The following NUBP2 variants were observed in gnomAD, a reference collection of about 807,000 sequenced individuals.
The protein encoded by NUBP2 is cytosolic Fe-S cluster assembly factor NUBP2.
NUBP2 carries 23 observed loss-of-function variants against 24.9 expected under a neutral mutation model. That is an observed-to-expected ratio of 0.92 (90% CI 0.66 to 1.31). The LOEUF is 1.31. Among genes scored for constraint, NUBP2 ranks in the 50% most tolerant of loss-of-function variants. NUBP2 has a pLI of 0.00. For synonymous variants in NUBP2, 186 were observed against 170.9 expected, an observed-to-expected ratio of 1.09 and a Z score of -0.69; for missense variants, 403 against 386.5, an observed-to-expected ratio of 1.04 and a Z score of -0.36.
At chr16:1,786,140 T>G (rs1270030992) in intron 1 of NUBP2, 2 of 370,006 alleles carry the variant, frequency 5.4e-6, no homozygotes, top group African/African-American at 3.6e-5. Context: ...GTGCACTGGC[T>G]GGGGAAAGAG....
Position 1,787,715 on chromosome 16 carries a change from G to C in NUBP2, c.373G>C (p.Glu125Gln). ...KQFVSDVAWG[E>Q]LDYLVVDTPP... The stretch of plus-strand genomic sequence containing the variant: ...GTTTGTGTCCGACGTGGCCTGGGGG[G>C]AGCTGGACTACCTGGTGGTGGACAC... Residue 125 changes from glutamate (E) to glutamine (Q), a missense_variant, in exon 4 of 7, where the codon GAG (glutamate) becomes CAG (glutamine). Coordinates refer to ENST00000262302, the MANE Select transcript of NUBP2 (RefSeq NM_012225.4). 2 of 1,612,654 alleles carry C rather than the reference G, an allele frequency of 1.2e-6. No homozygotes were observed. Among genetic ancestry groups the C allele is most frequent in the Non-Finnish European group, 1.7e-6 (2 of 1,179,936 alleles).
Position 1,787,968 on chromosome 16 carries a change from G to A in NUBP2, c.517G>A (p.Glu173Lys), listed in dbSNP as rs780588003. The A allele has an allele frequency of 5.6e-6, 9 of 1,604,840 alleles. No individual in the cohort carries two copies. Among genetic ancestry groups the A allele is most frequent in the African/African-American group, 1.3e-5 (1 of 74,464 alleles). Residue 173 changes from glutamate (E) to lysine (K), a missense_variant, in exon 5 of 7, where the codon GAG (glutamate) becomes AAG (lysine). By Grantham distance (56) the Glu-to-Lys change is moderately conservative. Coordinates refer to ENST00000262302, the MANE Select transcript of NUBP2 (RefSeq NM_012225.4). ...QAVSVGDVRRELTFCRKTGLR... is the reference protein window; with the variant it reads ...QAVSVGDVRRKLTFCRKTGLR... ...GGTGTCCGTGGGGGACGTGAGGCGC[G>A]AGCTGACCTTCTGTAGGAAGACGGG...
At chr16:1,787,107 G>A (rs1043857954) in intron 3 of NUBP2, 152 bp downstream of exon 3, 3 of 713,484 alleles carry the variant, frequency 4.2e-6, no homozygotes, top group Admixed American at 3.2e-5. Context: ...CAGGCTGGCG[G>A]TGTGTCTCCA....
chr16:1,785,575 A>C (rs1389152467), intron 1 of NUBP2: 2 of 1,243,274 alleles, frequency 1.6e-6, no homozygotes, highest in Admixed American at 5.4e-5. Context: ...AATTTAAGTC[A>C]GAACCCCTTT....
chr16:1,785,575 A>G (rs1389152467), intron 1 of NUBP2: 5 of 1,243,392 alleles, frequency 4.0e-6, no homozygotes, highest in African/African-American at 1.6e-5. Context: ...AATTTAAGTC[A>G]GAACCCCTTT....
At chr16:1,785,805 A>G (rs960543823) in intron 1 of NUBP2, 2 of 1,289,070 alleles carry the variant, frequency 1.6e-6, no homozygotes, top group Non-Finnish European at 2.0e-6. Flanking sequence ...GGTTTTACGC[A>G]TCATGTGTTG....
intron 3 of NUBP2, chr16:1,787,469 G>A (rs1897030358): frequency 1.5e-6 from 1 of 665,624 alleles, no homozygotes; most frequent in Non-Finnish European, 2.5e-6. Flanking sequence ...GCCAGACACT[G>A]CAGAAAGGGA....
intron 1 of NUBP2, chr16:1,783,616 G>C (rs935108556): frequency 8.4e-6 from 4 of 477,674 alleles, no homozygotes; most frequent in African/African-American, 2.1e-5. Flanking sequence ...AAGAGACCTC[G>C]AGTCCGATAC....
intron 2 of NUBP2, 38 bp downstream of exon 2, chr16:1,786,693 A>G: frequency 1.2e-6 from 2 of 1,611,936 alleles, no homozygotes; most frequent in Non-Finnish European, 1.7e-6. Context: ...AGCCCCGGGC[A>G]GCTGCCCGCA....
chr16:1,785,637 A>C (rs567310551), intron 1 of NUBP2: 1 of 1,287,894 alleles, frequency 7.8e-7, no homozygotes, highest in Non-Finnish European at 1.0e-6. Context: ...TTGTGTTTGC[A>C]GGAGTGTGGG....
chr16:1,784,165 A>C, intron 1 of NUBP2: 130 of 443,874 alleles, frequency 2.9e-4, no homozygotes, highest in Non-Finnish European at 3.6e-4. Flanking sequence ...ATCATAACTC[A>C]CTGCAGCCTT....
rs1295673608 is a variant in NUBP2, at chr16:1,788,228, C to G, written c.670+21C>G. Reference sequence around the variant, plus strand: ...CTTAGGTGAGTGTCCCAAGCTGGTGCTGGGGTCGCGGCCTCCCATTCCATC... The same window carrying G: ...CTTAGGTGAGTGTCCCAAGCTGGTGGTGGGGTCGCGGCCTCCCATTCCATC... On this transcript the variant is annotated intron_variant, in intron 6 of 6. Coordinates refer to ENST00000262302, the MANE Select transcript of NUBP2 (RefSeq NM_012225.4). 1.5e-5 allele frequency: 22 copies of G among 1,457,660 alleles called. No individual in the cohort carries two copies. In the Middle Eastern group the frequency reaches 5.9e-4, roughly 39 times the overall value. The allele number at this position is 1,457,660 out of a possible 1,614,324, so 90.3% of individuals were successfully genotyped here. A position where few individuals can be genotyped will look rare whatever the true frequency, so the allele number is the denominator to read the frequency against.
intron 3 of NUBP2, 111 bp from the exon 4 acceptor site, chr16:1,787,566 A>G: frequency 5.0e-6 from 7 of 1,398,006 alleles, no homozygotes; most frequent in Non-Finnish European, 6.9e-6. Context: ...GTGGCAAGTG[A>G]CACCTGATGG....
chr16:1,788,667 TC>T lies in NUBP2; in HGVS notation c.771del (p.Ile258Ter). 6.2e-7 allele frequency: 1 copy of T among 1,612,356 alleles called. No homozygotes were observed. The highest frequency in any genetic ancestry group is 1.1e-5 in the South Asian group (1 of 91,030). ...PGSPAFAALTSIAQKILDATP... is the reference protein window; with the variant it reads ...PGSPAFAALTXIAQKILDATP... ...GAGCCCCGCCTTCGCTGCACTCACCTCCATAGCCCAGAAGATTCTGGACGCG... is the reference window on the plus strand; with the variant it reads ...GAGCCCCGCCTTCGCTGCACTCACCTCATAGCCCAGAAGATTCTGGACGCG... On this transcript the variant is annotated frameshift_variant, in exon 7 of 7. Transcript: ENST00000262302. LOFTEE classifies it high-confidence loss of function.
intron 1 of NUBP2, 63 bp downstream of exon 1, chr16:1,783,099 T>G: frequency 9.0e-6 from 11 of 1,224,210 alleles, no homozygotes; most frequent in Non-Finnish European, 1.1e-5. Flanking sequence ...GCCGCGTCCC[T>G]TCCCGGGGCG....
chr16:1,787,006 G>C (rs375831898), intron 3 of NUBP2, 51 bp downstream of exon 3: 3 of 1,445,308 alleles, frequency 2.1e-6, no homozygotes, highest in Non-Finnish European at 2.7e-6. Context: ...GTTAGCGTCC[G>C]TGCCGGCCTC....
intron 1 of NUBP2, chr16:1,784,572 T>G (rs891881694): frequency 6.6e-6 from 1 of 151,720 alleles, no homozygotes; most frequent in Non-Finnish European, 1.5e-5. Context: ...CTGGCTAATT[T>G]TTTTTGTATT....
At chr16:1,783,306 G>T in intron 1 of NUBP2, 1 of 1,130,628 alleles carries the variant, frequency 8.8e-7, no homozygotes, top group African/African-American at 1.6e-5. Context: ...GTTGAGCACC[G>T]CGTTGTAGGC....
chr16:1,785,247 C>T (rs1896907185), intron 1 of NUBP2: 1 of 1,024,918 alleles, frequency 9.8e-7, no homozygotes, highest in Non-Finnish European at 1.2e-6. Context: ...GCTGACTGTG[C>T]TTTGCTGACA....
Sources: gnomAD v4.1 joint callset for allele counts on GRCh38, gnomAD v4.1.1 for gene constraint, MANE v1.5 for transcripts, NCBI Gene and HGNC (gene_info 2026-07-23, HGNC 2026-07-21) for gene names.